Variants in CREG2 observed in about 807,000 individuals in gnomAD.
The protein encoded by CREG2 is protein CREG2.
Under a neutral mutation model 26.2 loss-of-function variants are expected in CREG2, and 24 were observed. The observed-to-expected ratio is 0.92, with a 90% CI of 0.66 to 1.29. The LOEUF (loss-of-function observed/expected upper bound fraction) is 1.29. Among genes scored for constraint, CREG2 ranks in the 50% most tolerant of loss-of-function variants. The probability of loss-of-function intolerance (pLI) is 0.00; values close to 1 mark genes in which losing one functional copy is unlikely to be tolerated. For missense variants in CREG2, 366 were observed against 398.6 expected (o/e 0.92, Z 0.70); for synonymous variants, 174 against 169.2 (o/e 1.03, Z -0.22).
chr2:101,351,339 G>A (rs1375486552), intron 3 of CREG2, among the ~76,000 whole-genome samples: 4 of 152,178 alleles, frequency 2.6e-5, no homozygotes, highest in African/African-American at 9.7e-5. Context: ...GAGCTGTGAC[G>A]CCAGTGGGCT....
intron 2 of CREG2, among the ~76,000 whole-genome samples, chr2:101,356,306 A>G (rs993506884): frequency 2.4e-4 from 37 of 152,086 alleles, no homozygotes; most frequent in African/African-American, 8.9e-4. Flanking sequence ...TGGCTCAAAA[A>G]CAGGAATGCC....
chr2:101,372,903 G>A (rs1463572301), intron 2 of CREG2, among the ~76,000 whole-genome samples: 2 of 152,224 alleles, frequency 1.3e-5, no homozygotes, highest in African/African-American at 2.4e-5. Context: ...AGCATCGTTA[G>A]TCATGAGGGA....
chr2:101,380,431 G>T (rs901141782), intron 2 of CREG2, among the ~76,000 whole-genome samples: 2 of 152,230 alleles, frequency 1.3e-5, no homozygotes, highest in African/African-American at 4.8e-5. Flanking sequence ...TGCCCAGTAG[G>T]CTGTAGGAAA....
intron 2 of CREG2, among the ~76,000 whole-genome samples, chr2:101,362,754 C>A (rs1252494137): frequency 2.0e-5 from 3 of 152,172 alleles, no homozygotes; most frequent in Admixed American, 6.5e-5. Context: ...TATTTCTCCC[C>A]CTTTCACCTG....
intron 2 of CREG2, among the ~76,000 whole-genome samples, chr2:101,357,068 T>C (rs928024078): frequency 2.0e-5 from 3 of 152,206 alleles, no homozygotes. Context: ...TTTGTAGTTT[T>C]AGTAGAGACG....
At chr2:101,373,877 T>G (rs960887547) in intron 2 of CREG2, among the ~76,000 whole-genome samples, 1 of 152,192 alleles carries the variant, frequency 6.6e-6, no homozygotes, top group African/African-American at 2.4e-5. Context: ...TTTATTTTTA[T>G]TTTTTGAGAA....
In CREG2 at chr2:101,347,779, G is replaced by A. The variant is rs570009029; in HGVS notation, c.*3144C>T. 5.3e-5 allele frequency: 8 copies of A among 152,052 alleles called. No homozygotes were observed. The East Asian group carries it at 9.6e-4, about 18-fold the overall frequency. 9.4% of individuals were successfully genotyped at this position (152,052 alleles called of 1,614,324 possible). On this transcript the variant is annotated 3_prime_UTR_variant, in exon 4 of 4. Transcript: ENST00000324768. ...CTCCCAGTATGTGGCCTGTCTTCTCGGCCTTTTAACATGGTCTTTTGCAGA... is the reference window on the plus strand; with the variant it reads ...CTCCCAGTATGTGGCCTGTCTTCTCAGCCTTTTAACATGGTCTTTTGCAGA...
intron 1 of CREG2, among the ~76,000 whole-genome samples, chr2:101,384,214 G>A (rs1684928419): frequency 6.6e-6 from 1 of 152,162 alleles, no homozygotes; most frequent in Admixed American, 6.5e-5. Flanking sequence ...TTCTTTTAGG[G>A]CTGCATCACT....
intron 2 of CREG2, among the ~76,000 whole-genome samples, chr2:101,368,525 G>T (rs1573309804): frequency 6.6e-6 from 1 of 152,132 alleles, no homozygotes; most frequent in African/African-American, 2.4e-5. Flanking sequence ...GGCCTCTGGG[G>T]AGCTGCACTC....
intron 2 of CREG2, chr2:101,382,925 C>T (rs1024333489): frequency 2.0e-5 from 20 of 985,542 alleles, no homozygotes; most frequent in African/African-American, 3.5e-5. Flanking sequence ...AGACATTTCC[C>T]GGGGAGGATG....
Position 101,387,248 on chromosome 2 carries a change from C to A in CREG2, c.210G>T (p.Trp70Cys). 4 of 1,452,036 alleles carry A rather than the reference C, an allele frequency of 2.8e-6. No homozygotes were observed. Among genetic ancestry groups the A allele is most frequent in the Middle Eastern group, 1.9e-4 (1 of 5,236 alleles). 89.9% of individuals were successfully genotyped at this position (1,452,036 alleles called of 1,614,324 possible). Residue 70 changes from tryptophan (W) to cysteine (C), a missense_variant, in exon 1 of 4, where the codon TGG (tryptophan) becomes TGT (cysteine). Around this residue, in one of 3 missense-constraint regions of CREG2, gnomAD observed 177 missense variants for 183.3 expected, o/e 0.97. Coordinates refer to ENST00000324768, the MANE Select transcript of CREG2 (RefSeq NM_153836.4). This position sits in a 1 kb window ranked among gnomAD's most constrained non-coding sequence, Gnocchi z 4.7. Reference sequence around the variant, plus strand: ...GGGCAGAGGCGGGGAAGCTTTGCTGCCAGATGCTGCCCGAATCCTCTAGCA... The same window carrying A: ...GGGCAGAGGCGGGGAAGCTTTGCTGACAGATGCTGCCCGAATCCTCTAGCA... ...PALLEDSGSI[W>C]QQSFPASAHK...
At chr2:101,377,896 T>C (rs1466243628) in intron 2 of CREG2, among the ~76,000 whole-genome samples, 2 of 152,240 alleles carry the variant, frequency 1.3e-5, no homozygotes, top group East Asian at 3.8e-4. Flanking sequence ...CTTCCTTTCA[T>C]GGCTTTTTAG....
At chr2:101,361,097 GAAT>G (rs1684531774) in intron 2 of CREG2, among the ~76,000 whole-genome samples, 2 of 152,172 alleles carry the variant, frequency 1.3e-5, no homozygotes, top group Non-Finnish European at 2.9e-5. Context: ...AGTCATTATA[GAAT>G]AATAACACAG....
chr2:101,383,429 C>T (rs1478039271), intron 2 of CREG2, 104 bp downstream of exon 2: 28 of 1,048,192 alleles, frequency 2.7e-5, no homozygotes, highest in Non-Finnish European at 3.4e-5. Context: ...CAATGTGCAT[C>T]TCAGAGTTCT....
chr2:101,377,045 CA>C (rs1295078463), intron 2 of CREG2, among the ~76,000 whole-genome samples: 2 of 152,176 alleles, frequency 1.3e-5, no homozygotes, highest in East Asian at 3.9e-4. Flanking sequence ...GGAGATGTAT[CA>C]AAATATTATA....
intron 2 of CREG2, chr2:101,382,588 A>G: frequency 1.0e-6 from 1 of 985,476 alleles, no homozygotes; most frequent in Non-Finnish European, 1.2e-6. Flanking sequence ...GAACAGGGTC[A>G]GCTGAAGTGT....
At chr2:101,376,326 G>A (rs7597323) in intron 2 of CREG2, among the ~76,000 whole-genome samples, 15,121 of 151,346 alleles carry the variant, frequency 0.1, 920 homozygotes, top group African/African-American at 0.17. Context: ...TGCCCAAGCC[G>A]GAGTGCAGTG....
intron 2 of CREG2, among the ~76,000 whole-genome samples, chr2:101,366,141 G>A (rs6729593): frequency 0.13 from 19,855 of 151,916 alleles, 1,518 homozygotes; most frequent in East Asian, 0.23. Flanking sequence ...AGAAAAGGAT[G>A]GTCTTTTGAC....
intron 2 of CREG2, among the ~76,000 whole-genome samples, chr2:101,358,077 T>A (rs1350904708): frequency 6.6e-6 from 1 of 151,600 alleles, no homozygotes; most frequent in Non-Finnish European, 1.5e-5. Context: ...CACTGCAACC[T>A]CTGCCTCCCA....
Sources: allele counts gnomAD v4.1 joint callset (sites outside exome capture counted in the v4.1 genomes callset), GRCh38; gene constraint gnomAD v4.1.1; regional missense constraint gnomAD v4.1.1; non-coding constraint Gnocchi (gnomAD v3.1); transcripts MANE v1.5; gene names NCBI Gene and HGNC (gene_info 2026-07-23, HGNC 2026-07-21).